PDE10A: variants seen among roughly 807,000 people sequenced by gnomAD.
The protein encoded by PDE10A is cAMP and cAMP-inhibited cGMP 3',5'-cyclic phosphodiesterase 10A.
In PDE10A, 39 loss-of-function variants were observed where a neutral mutation model predicts 97.7. The observed-to-expected ratio is 0.40, with a 90% CI of 0.31 to 0.52. PDE10A has a LOEUF of 0.52. Ranked by LOEUF, PDE10A falls within the 20% of genes least tolerant of loss-of-function variation. The pLI, the probability that PDE10A is intolerant of heterozygous loss-of-function variation, is 0.56. For synonymous variants in PDE10A, 371 were observed against 376.8 expected (o/e 0.98, Z 0.18); for missense variants, 731 against 1,047.8 (o/e 0.70, Z 4.17).
At position 165,645,188 on chromosome 6, in the gene PDE10A, G is replaced by C. The variant is rs6906779; in HGVS notation, c.865+16759C>G. On this transcript the variant is annotated intron_variant, in intron 1 of 21. Transcript: ENST00000539869. Reference sequence around the variant, plus strand: ...CTGCCAGGGCCAGGAGAGCCCACTCGATTTCCAAAAGAAGCATCTGGGAGT... The same window carrying C: ...CTGCCAGGGCCAGGAGAGCCCACTCCATTTCCAAAAGAAGCATCTGGGAGT... Among the ~76,000 whole-genome samples, 803 of 152,298 alleles carry C rather than the reference G, an allele frequency of 5.3e-3. 8 individuals carry two copies. The highest frequency in any genetic ancestry group is 0.019 in the African/African-American group (774 of 41,572).
In PDE10A at chr6:165,418,018, T is replaced by C. The variant is rs940277429; in HGVS notation, c.1796+617A>G. On this transcript the variant is annotated intron_variant, in intron 11 of 21. Coordinates refer to ENST00000539869, the MANE Select transcript of PDE10A (RefSeq NM_001385079.1). The surrounding 1 kb of genome is among the most constrained non-coding windows in gnomAD (Gnocchi z 4.8). ...AAACGTTTTGTCAGAGTGCTCCTTG[T>C]GTAGGTTTCCAGGTGCGATATGAGC... Among the ~76,000 whole-genome samples, 5 of 152,194 alleles carry C rather than the reference T, an allele frequency of 3.3e-5. No individual in the cohort carries two copies. The highest frequency in any genetic ancestry group is 1.2e-4 in the African/African-American group (5 of 41,440).
intron 1 of PDE10A, among the ~76,000 whole-genome samples, chr6:165,787,673 T>G (rs569044701): frequency 1.6e-4 from 24 of 152,370 alleles, no homozygotes; most frequent in African/African-American, 5.3e-4. Flanking sequence ...CATTTTTTTC[T>G]TATTCAGTAA....
chr6:165,526,817 C>A (rs1782476291), intron 2 of PDE10A, among the ~76,000 whole-genome samples: 1 of 152,174 alleles, frequency 6.6e-6, no homozygotes, highest in Non-Finnish European at 1.5e-5. Flanking sequence ...CCAGCAGAAG[C>A]AATCTGACTT....
rs372606189 is a variant in PDE10A, at chr6:165,806,655, C to CG, written c.-615+180873_-615+180874insC. ...CTGCATGGCTCTGCTGAGCGCCCCC[C>CG]CCCAGGCTCTTCTTTAGACTTTGAT... On this transcript the variant is annotated intron_variant, in intron 1 of 19. Transcript: ENST00000366882. 1.1e-3 allele frequency among the ~76,000 whole-genome samples: 173 copies of CG among 151,250 alleles called. 4 individuals carry two copies. The South Asian group carries it at 0.024, about 21-fold the overall frequency.
In PDE10A at chr6:165,630,081, C is replaced by T. The variant is rs543111811; in HGVS notation, c.865+31866G>A. ...ATCATATAGGGGCCAGGCACAGTGG[C>T]TCTCGCCTGTAATCCCAGCACTTTG... On this transcript the variant is annotated intron_variant, in intron 1 of 21. Transcript: ENST00000539869. Among the ~76,000 whole-genome samples, 3 of 152,266 alleles carry T rather than the reference C, an allele frequency of 2.0e-5. No homozygotes were observed. In the South Asian group the frequency reaches 6.2e-4, roughly 32 times the overall value.
intron 1 of PDE10A, among the ~76,000 whole-genome samples, chr6:165,718,829 G>C (rs896456038): frequency 6.6e-6 from 1 of 152,122 alleles, no homozygotes. Context: ...GATAACCAAG[G>C]AAAGCTTCCA....
At chr6:165,544,887 C>T (rs1288867648) in intron 1 of PDE10A, among the ~76,000 whole-genome samples, 1 of 151,852 alleles carries the variant, frequency 6.6e-6, no homozygotes, top group Non-Finnish European at 1.5e-5. Flanking sequence ...AAAATAAGAT[C>T]TCTGGCTATA....
intron 1 of PDE10A, among the ~76,000 whole-genome samples, chr6:165,889,910 C>A (rs1213343151): frequency 6.5e-4 from 41 of 62,796 alleles, no homozygotes; most frequent in Non-Finnish European, 1.0e-3. Flanking sequence ...CTCCCTCCTC[C>A]CTCCCTCACT....
intron 2 of PDE10A, among the ~76,000 whole-genome samples, chr6:165,486,600 C>G (rs974144002): frequency 5.3e-5 from 8 of 152,148 alleles, no homozygotes; most frequent in Non-Finnish European, 1.2e-4. Flanking sequence ...CGTCTGTTCG[C>G]ACAGCTCTGT....
intron 11 of PDE10A, among the ~76,000 whole-genome samples, chr6:165,416,565 T>A (rs1478142587): frequency 1.3e-5 from 2 of 152,188 alleles, no homozygotes; most frequent in Non-Finnish European, 2.9e-5. Flanking sequence ...ATCCCTTCTA[T>A]TTGCGAAGCA....
intron 18 of PDE10A, among the ~76,000 whole-genome samples, chr6:165,367,803 AAAAAACAAAAACAAAAAAC>A: frequency 6.6e-6 from 1 of 151,838 alleles, no homozygotes; most frequent in South Asian, 2.1e-4. Flanking sequence ...TTAGATTAAA[AAAAAACAAAAACAAAAAAC>A]AAAAACAAAA....
chr6:165,467,766 C>G (rs2128267081), intron 3 of PDE10A, among the ~76,000 whole-genome samples: 1 of 152,260 alleles, frequency 6.6e-6, no homozygotes, highest in East Asian at 1.9e-4. Context: ...ATTCTATAAA[C>G]TTAGTTGATA....
At chr6:165,404,201 A>C (rs1408753086) in intron 13 of PDE10A, among the ~76,000 whole-genome samples, 1 of 152,194 alleles carries the variant, frequency 6.6e-6, no homozygotes, top group Non-Finnish European at 1.5e-5. Context: ...TTATAAATCA[A>C]TAAAAAGGAA....
chr6:165,580,023 A>G lies in PDE10A; in HGVS notation c.866-36455T>C, dbSNP rs190404223. On this transcript the variant is annotated intron_variant, in intron 1 of 21. Coordinates refer to ENST00000539869, the MANE Select transcript of PDE10A (RefSeq NM_001385079.1). ...CATCATTTTTCCTGTGGCACTCTAAACTTTCGAATATCCTACATAATTTAC... is the reference window on the plus strand; with the variant it reads ...CATCATTTTTCCTGTGGCACTCTAAGCTTTCGAATATCCTACATAATTTAC... Among the ~76,000 whole-genome samples the G allele has an allele frequency of 4.3e-3, 661 of 152,220 alleles. 1 individual carries two copies. Among genetic ancestry groups the G allele is most frequent in the Middle Eastern group, 0.017 (5 of 294 alleles).
chr6:165,938,936 A>C (rs1452464391), intron 1 of PDE10A, among the ~76,000 whole-genome samples: 1 of 152,228 alleles, frequency 6.6e-6, no homozygotes, highest in Non-Finnish European at 1.5e-5. Context: ...AACAATATTT[A>C]TTGCAGCTCT....
chr6:165,762,267 G>A (rs947697928), intron 1 of PDE10A, among the ~76,000 whole-genome samples: 1 of 152,168 alleles, frequency 6.6e-6, no homozygotes, highest in Non-Finnish European at 1.5e-5. Flanking sequence ...AGATGTATTT[G>A]AGACTGATCT....
At chr6:165,486,338 T>C (rs1489528232) in intron 2 of PDE10A, among the ~76,000 whole-genome samples, 1 of 152,212 alleles carries the variant, frequency 6.6e-6, no homozygotes, top group Non-Finnish European at 1.5e-5. Flanking sequence ...GGTATACACA[T>C]GGACAGAGCA....
At chr6:165,839,638 C>T (rs1020345722) in intron 1 of PDE10A, among the ~76,000 whole-genome samples, 2 of 152,090 alleles carry the variant, frequency 1.3e-5, no homozygotes, top group Admixed American at 6.6e-5. Flanking sequence ...CTCTAAATTG[C>T]TCCATCCTCA....
intron 20 of PDE10A, among the ~76,000 whole-genome samples, chr6:165,337,541 A>G (rs550082801): frequency 6.6e-6 from 1 of 152,324 alleles, no homozygotes; most frequent in East Asian, 1.9e-4. Context: ...AACAGATGTC[A>G]TGGGGCACAA....
Sources: gnomAD v4.1 joint callset for allele counts (sites outside exome capture counted in the v4.1 genomes callset) on GRCh38, gnomAD v4.1.1 for gene constraint, Gnocchi (gnomAD v3.1) non-coding constraint, MANE v1.5 for transcripts, NCBI Gene and HGNC (gene_info 2026-07-23, HGNC 2026-07-21) for gene names.